ANKRD11: variants seen among roughly 807,000 people sequenced by gnomAD.
The protein encoded by ANKRD11 is ankyrin repeat domain 11.
ANKRD11 carries 17 observed loss-of-function variants against 195.7 expected under a neutral mutation model. The observed-to-expected ratio is 0.09, with a 90% CI of 0.06 to 0.13. The LOEUF (loss-of-function observed/expected upper bound fraction) is 0.13. Among genes scored for constraint, ANKRD11 ranks in the 10% least tolerant of loss-of-function variants. The probability of loss-of-function intolerance (pLI) is 1.00; values close to 1 mark genes in which losing one functional copy is unlikely to be tolerated. For synonymous variants in ANKRD11, 1,953 were observed against 1,528.1 expected (o/e 1.28, Z -6.49); for missense variants, 3,735 against 3,566.1 (o/e 1.05, Z -1.21).
intron 2 of ANKRD11, among the ~76,000 whole-genome samples, chr16:89,337,426 A>ATTTTTTT (rs763560924): frequency 1.0e-3 from 45 of 43,734 alleles, no homozygotes; most frequent in South Asian, 2.2e-3. Context: ...GGTCTAAGCA[A>ATTTTTTT]TTCTTTTTTT....
Position 89,388,292 on chromosome 16 carries a change from G to GTTTTTTTTTTT in ANKRD11, c.-60+29991_-60+29992insAAAAAAAAAAA, listed in dbSNP as rs1567734637. Among the ~76,000 whole-genome samples the GTTTTTTTTTTT allele has an allele frequency of 4.9e-5, 3 of 61,066 alleles. 1 individual carries two copies. Among genetic ancestry groups the GTTTTTTTTTTT allele is most frequent in the Non-Finnish European group, 3.9e-5 (1 of 25,758 alleles). The allele number at this position is 61,066 out of a possible 152,430, so 40.1% of individuals were successfully genotyped here. On this transcript the variant is annotated intron_variant, in intron 2 of 12. Coordinates refer to ENST00000301030, the MANE Select transcript of ANKRD11 (RefSeq NM_013275.6). ...GGTGCTCTCTTCTCTCCATGAGGCT[G>GTTTTTTTTTTT]ATTTTTTTTTTTTTTTTTTTTTTGA...
intron 4 of ANKRD11, chr16:89,300,332 A>G (rs2035770717): frequency 4.8e-6 from 1 of 208,076 alleles, no homozygotes; most frequent in Non-Finnish European, 9.9e-6. Flanking sequence ...CACACACGTG[A>G]GTGCCTTGGG....
At chr16:89,485,512 T>C (rs1390648374) in intron 1 of ANKRD11, among the ~76,000 whole-genome samples, 1 of 151,810 alleles carries the variant, frequency 6.6e-6, no homozygotes, top group African/African-American at 2.4e-5. Context: ...AACTGTGAGG[T>C]TTCTTAGAGC....
intron 1 of ANKRD11, among the ~76,000 whole-genome samples, chr16:89,479,284 A>C (rs1009518644): frequency 2.6e-5 from 4 of 152,038 alleles, no homozygotes; most frequent in Admixed American, 1.3e-4. Flanking sequence ...GGAAAAAAAA[A>C]ACACTAATTA....
intron 2 of ANKRD11, among the ~76,000 whole-genome samples, chr16:89,318,114 G>A (rs1039725897): frequency 6.6e-6 from 1 of 152,170 alleles, no homozygotes; most frequent in East Asian, 1.9e-4. Flanking sequence ...TCCCACCCCC[G>A]TGGTGTGAGG....
At chr16:89,363,822 C>T (rs965357697) in intron 2 of ANKRD11, among the ~76,000 whole-genome samples, 4 of 151,942 alleles carry the variant, frequency 2.6e-5, no homozygotes, top group Admixed American at 1.3e-4. Context: ...CAGGAGGCTG[C>T]GGCAAGGAGG....
intron 2 of ANKRD11, among the ~76,000 whole-genome samples, chr16:89,338,723 T>A (rs1319384429): frequency 1.7e-5 from 1 of 57,900 alleles, no homozygotes; most frequent in Non-Finnish European, 2.9e-5. Context: ...CAACACTCAG[T>A]CTCAAAAAAA....
intron 3 of ANKRD11, among the ~76,000 whole-genome samples, chr16:89,310,371 T>C (rs1356100612): frequency 1.3e-5 from 2 of 152,254 alleles, no homozygotes; most frequent in Non-Finnish European, 2.9e-5. Context: ...GAAACTACAC[T>C]GTCTGCATCC....
chr16:89,441,221 G>GTGAGAC (rs2043448167), intron 1 of ANKRD11, among the ~76,000 whole-genome samples: 2 of 151,858 alleles, frequency 1.3e-5, no homozygotes, highest in Non-Finnish European at 2.9e-5. Context: ...GGGCCACAAA[G>GTGAGAC]TGAGACTCCG....
chr16:89,300,923 C>T (rs778775312), intron 4 of ANKRD11: 1 of 699,992 alleles, frequency 1.4e-6, no homozygotes, highest in South Asian at 1.5e-5. Context: ...GACGAGGGCT[C>T]CCTCGTGGCT....
At chr16:89,395,851 G>A (rs1178728563) in intron 2 of ANKRD11, 1 of 152,200 alleles carries the variant, frequency 6.6e-6, no homozygotes, top group East Asian at 1.9e-4. Context: ...CTGCTGGGGT[G>A]GTGCGGCAAG....
chr16:89,273,215 TG>T (rs2033335134), intron 11 of ANKRD11, among the ~76,000 whole-genome samples: 1 of 152,198 alleles, frequency 6.6e-6, no homozygotes, highest in South Asian at 2.1e-4. Flanking sequence ...GGACACCCAT[TG>T]GAGAAATAAA....
chr16:89,403,054 C>A (rs934242640), intron 2 of ANKRD11, among the ~76,000 whole-genome samples: 1 of 152,188 alleles, frequency 6.6e-6, no homozygotes, highest in Admixed American at 6.5e-5. Flanking sequence ...CGCTCAACTG[C>A]GTGGTGGCGG....
intron 9 of ANKRD11, among the ~76,000 whole-genome samples, chr16:89,277,090 A>G (rs2151714625): frequency 1.3e-5 from 2 of 151,788 alleles, no homozygotes; most frequent in South Asian, 4.2e-4. Flanking sequence ...AAATGTAGCA[A>G]AGTCCCTCTA....
intron 4 of ANKRD11, chr16:89,301,266 C>T: frequency 2.7e-6 from 1 of 376,252 alleles, no homozygotes; most frequent in East Asian, 3.9e-5. Context: ...TGCCTGGCTA[C>T]TTTTAGATTT....
At chr16:89,312,479 C>G (rs998867121) in intron 3 of ANKRD11, among the ~76,000 whole-genome samples, 7 of 152,204 alleles carry the variant, frequency 4.6e-5, no homozygotes, top group Non-Finnish European at 8.8e-5. Flanking sequence ...ATGGTAGGAG[C>G]TGGCGGGCCA....
chr16:89,278,613 G>GGGA (rs1424661323), intron 9 of ANKRD11: 1 of 458,954 alleles, frequency 2.2e-6, no homozygotes, highest in Non-Finnish European at 4.4e-6. Flanking sequence ...AGAAGCCCAA[G>GGGA]GGAGGAGGTG....
Position 89,279,776 on chromosome 16 carries a change from G to T in ANKRD11, c.6766C>A (p.Gln2256Lys). Residue 2256 changes from glutamine to lysine, a missense_variant, in exon 9 of 13, where the codon CAG (glutamine) becomes AAG (lysine). Gln to Lys is a moderately conservative substitution (Grantham distance 53). Transcript: ENST00000301030. This position sits in a 1 kb window ranked among gnomAD's most constrained non-coding sequence, Gnocchi z 5.6. ...GGGGGGCCTTCAGCCTCAGCCCCCT[G>T]GTCTCCGCTCCCCAGTGGGCGCTGT... ...PEQRPLGSGD[Q>K]GAEAEGPPAA... 6.5e-7 allele frequency: 1 copy of T among 1,531,210 alleles called. No homozygotes were observed. The highest frequency in any genetic ancestry group is 8.8e-7 in the Non-Finnish European group (1 of 1,142,746). 94.9% of individuals were successfully genotyped at this position (1,531,210 alleles called of 1,614,324 possible).
rs1414316125 is a variant in ANKRD11, at chr16:89,490,516, C to T, written c.-416G>A. The T allele has an allele frequency of 2.1e-6, 1 of 471,638 alleles. No individual in the cohort carries two copies. Among genetic ancestry groups the T allele is most frequent in the African/African-American group, 2.0e-5 (1 of 49,350 alleles). The allele number at this position is 471,638 out of a possible 1,614,324, so 29.2% of individuals were successfully genotyped here. ...CGCGGGCTCGGCGGCGGCGCCTCCC[C>T]GGCTGGGGCCCTCGGTCCATCGCGC... On this transcript the variant is annotated 5_prime_UTR_variant, in exon 1 of 13. Transcript: ENST00000301030.
Sources: allele counts gnomAD v4.1 joint callset (sites outside exome capture counted in the v4.1 genomes callset), GRCh38; gene constraint gnomAD v4.1.1; non-coding constraint Gnocchi (gnomAD v3.1); transcripts MANE v1.5; gene names NCBI Gene and HGNC (gene_info 2026-07-23, HGNC 2026-07-21).